The following ADCY2 variants were observed in gnomAD, a reference collection of about 807,000 sequenced individuals.
ADCY2 encodes the protein adenylate cyclase 2.
ADCY2 carries 31 observed loss-of-function variants against 125.2 expected under a neutral mutation model. That is an observed-to-expected ratio of 0.25 (90% confidence interval 0.19 to 0.33). The LOEUF is 0.33. Ranked by LOEUF, ADCY2 falls within the 10% of genes least tolerant of loss-of-function variation. The probability of loss-of-function intolerance (pLI) is 1.00; values close to 1 mark genes in which losing one functional copy is unlikely to be tolerated. For missense variants in ADCY2, 904 were observed against 1,418.2 expected (o/e 0.64, Z 5.82); for synonymous variants, 512 against 548.4 (o/e 0.93, Z 0.93).
intron 2 of ADCY2, among the ~76,000 whole-genome samples, chr5:7,449,607 A>T (rs1741398705): frequency 6.6e-6 from 1 of 152,202 alleles, no homozygotes; most frequent in Non-Finnish European, 1.5e-5. Flanking sequence ...ATACATAATG[A>T]CTCACTATAG....
intron 2 of ADCY2, among the ~76,000 whole-genome samples, chr5:7,463,107 T>C (rs1319446038): frequency 6.6e-6 from 1 of 152,200 alleles, no homozygotes; most frequent in African/African-American, 2.4e-5. Context: ...TCAGTAGCAA[T>C]AGTGTTTTCT....
At chr5:7,758,116 G>A (rs1216475425) in intron 16 of ADCY2, among the ~76,000 whole-genome samples, 3 of 152,166 alleles carry the variant, frequency 2.0e-5, no homozygotes, top group Non-Finnish European at 2.9e-5. Flanking sequence ...CTAGAAAGAC[G>A]TTTTCATTGA....
At chr5:7,597,295 G>T (rs1314515661) in intron 3 of ADCY2, among the ~76,000 whole-genome samples, 1 of 152,220 alleles carries the variant, frequency 6.6e-6, no homozygotes, top group East Asian at 1.9e-4. Flanking sequence ...GCAGGCAGAA[G>T]CTGCACAGAG....
At chr5:7,540,883 T>C (rs975952013) in intron 3 of ADCY2, among the ~76,000 whole-genome samples, 2 of 152,302 alleles carry the variant, frequency 1.3e-5, no homozygotes, top group Admixed American at 6.5e-5. Flanking sequence ...AGAGACTTCT[T>C]AAGATGAAAA....
intron 2 of ADCY2, among the ~76,000 whole-genome samples, chr5:7,497,833 G>A (rs1447806369): frequency 3.9e-5 from 6 of 152,006 alleles, no homozygotes; most frequent in East Asian, 1.9e-4. Context: ...GTTACCAGTC[G>A]GTAGACAACA....
intron 3 of ADCY2, among the ~76,000 whole-genome samples, chr5:7,572,307 G>C (rs1736092083): frequency 6.6e-6 from 1 of 152,106 alleles, no homozygotes; most frequent in South Asian, 2.1e-4. Context: ...AAACTTGCCA[G>C]CATCTGTTAC....
intron 3 of ADCY2, among the ~76,000 whole-genome samples, chr5:7,583,983 T>G (rs1736530931): frequency 6.6e-6 from 1 of 152,096 alleles, no homozygotes; most frequent in Non-Finnish European, 1.5e-5. Flanking sequence ...CAAAGTGTAC[T>G]GAGTGATTTT....
intron 2 of ADCY2, among the ~76,000 whole-genome samples, chr5:7,491,993 G>C (rs184945533): frequency 6.6e-6 from 1 of 152,218 alleles, no homozygotes; most frequent in Non-Finnish European, 1.5e-5. Context: ...TAACACAGGG[G>C]CTCTGCCCTG....
intron 4 of ADCY2, among the ~76,000 whole-genome samples, chr5:7,640,958 G>T (rs925582448): frequency 1.3e-5 from 2 of 152,176 alleles, no homozygotes; most frequent in African/African-American, 4.8e-5. Flanking sequence ...CTCAAAGAAA[G>T]TTTTGTGCTT....
chr5:7,527,258 C>A (rs1734506898), intron 3 of ADCY2, among the ~76,000 whole-genome samples: 1 of 152,226 alleles, frequency 6.6e-6, no homozygotes, highest in African/African-American at 2.4e-5. Flanking sequence ...GGTCAGGAGC[C>A]TTGGTCCAGC....
chr5:7,589,470 G>GAAAGA (rs1554022187), intron 3 of ADCY2, among the ~76,000 whole-genome samples: 2 of 44,306 alleles, frequency 4.5e-5, no homozygotes, highest in African/African-American at 1.1e-4. Context: ...AAGAAAGAAA[G>GAAAGA]AAAGAAAGAA....
chr5:7,738,247 A>G (rs2126421588), intron 14 of ADCY2, among the ~76,000 whole-genome samples: 1 of 152,288 alleles, frequency 6.6e-6, no homozygotes, highest in East Asian at 1.9e-4. Context: ...TTGTTGTGTC[A>G]TGTATTTTTT....
In ADCY2 at chr5:7,827,467, C is replaced by T. The variant is rs983909352; in HGVS notation, c.*596C>T. The T allele has an allele frequency of 2.0e-5, 3 of 152,572 alleles. No individual in the cohort carries two copies. Among genetic ancestry groups the T allele is most frequent in the African/African-American group, 7.2e-5 (3 of 41,440 alleles). 9.5% of individuals were successfully genotyped at this position (152,572 alleles called of 1,614,324 possible). ...CCTAGGACCAGTTTTGTATCAAACT[C>T]GTCTGATGTTTTGATGCCATTTGTC... On this transcript the variant is annotated 3_prime_UTR_variant, in exon 25 of 25. Coordinates refer to ENST00000338316, the MANE Select transcript of ADCY2 (RefSeq NM_020546.3).
At chr5:7,431,775 A>T (rs910151887) in intron 2 of ADCY2, among the ~76,000 whole-genome samples, 3 of 152,206 alleles carry the variant, frequency 2.0e-5, no homozygotes, top group African/African-American at 7.2e-5. Context: ...CCTTCAAAAA[A>T]TACTTTATCA....
intron 2 of ADCY2, among the ~76,000 whole-genome samples, chr5:7,499,109 G>A (rs1426368665): frequency 2.0e-5 from 3 of 152,184 alleles, no homozygotes; most frequent in Non-Finnish European, 4.4e-5. Context: ...CCGGGTTCAA[G>A]CAATTCTCCT....
At chr5:7,568,404 T>C (rs1392883666) in intron 3 of ADCY2, among the ~76,000 whole-genome samples, 1 of 152,178 alleles carries the variant, frequency 6.6e-6, no homozygotes, top group East Asian at 1.9e-4. Flanking sequence ...TCCTTAATGA[T>C]GGTAAAATAA....
chr5:7,573,820 T>A (rs1199997309), intron 3 of ADCY2, among the ~76,000 whole-genome samples: 1 of 149,332 alleles, frequency 6.7e-6, no homozygotes, highest in Admixed American at 6.7e-5. Flanking sequence ...GCAGGTTAGA[T>A]ACATATGTAT....
At chr5:7,516,683 G>A (rs1334740155) in intron 2 of ADCY2, among the ~76,000 whole-genome samples, 3 of 152,200 alleles carry the variant, frequency 2.0e-5, no homozygotes, top group African/African-American at 4.8e-5. Flanking sequence ...GAAAGCAATA[G>A]TTATTTGTAA....
At chr5:7,644,148 A>G (rs939330081) in intron 4 of ADCY2, among the ~76,000 whole-genome samples, 11 of 152,086 alleles carry the variant, frequency 7.2e-5, no homozygotes, top group African/African-American at 2.4e-4. Context: ...TTCTTGAAAA[A>G]GTAGTTACTT....
Sources: gnomAD v4.1 joint callset for allele counts (sites outside exome capture counted in the v4.1 genomes callset) on GRCh38, gnomAD v4.1.1 for gene constraint, MANE v1.5 for transcripts, NCBI Gene and HGNC (gene_info 2026-07-23, HGNC 2026-07-21) for gene names.